The following MED15 variants were observed in gnomAD, a reference collection of about 807,000 sequenced individuals.
The protein encoded by MED15 is mediator complex subunit 15, also known as mediator of RNA polymerase II transcription subunit 15.
A neutral mutation model predicts 118.7 loss-of-function variants in MED15; 41 were observed. The ratio of observed to expected loss-of-function variants is 0.35; its 90% CI spans 0.27 to 0.45. MED15 has a LOEUF of 0.45. Ranked by LOEUF, MED15 falls within the 20% of genes least tolerant of loss-of-function variation. The probability of loss-of-function intolerance (pLI) is 1.00; values close to 1 mark genes in which losing one functional copy is unlikely to be tolerated. For synonymous variants in MED15, 436 were observed against 413.9 expected, an observed-to-expected ratio of 1.05 and a Z score of -0.65; for missense variants, 740 against 1,025.5, an observed-to-expected ratio of 0.72 and a Z score of 3.80.
chr22:20,583,845 AG>A (rs2057059729), intron 13 of MED15: 1 of 236,228 alleles, frequency 4.2e-6, no homozygotes, highest in African/African-American at 2.2e-5. Flanking sequence ...AGCAGGTGGA[AG>A]GCAGGGCTGC....
rs2057115242 is a variant in MED15 at position 20,585,708 on chromosome 22, T to C, written c.2132-20T>C. 1 of 1,607,426 alleles carries C rather than the reference T, an allele frequency of 6.2e-7. No individual in the cohort carries two copies. Among genetic ancestry groups the C allele is most frequent in the Admixed American group, 1.7e-5 (1 of 60,006 alleles). Reference sequence around the variant, plus strand: ...GGCCGGGGCTTGTCCAGGTCACAGATAGAGCCTTCTGTGTTGCAGATGACA... The same window carrying C: ...GGCCGGGGCTTGTCCAGGTCACAGACAGAGCCTTCTGTGTTGCAGATGACA... On this transcript the variant is annotated intron_variant, in intron 16 of 17. Coordinates refer to ENST00000263205, the MANE Select transcript of MED15 (RefSeq NM_001003891.3).
intron 2 of MED15, among the ~76,000 whole-genome samples, chr22:20,548,616 T>C (rs1162185417): frequency 6.6e-6 from 1 of 152,212 alleles, no homozygotes; most frequent in Non-Finnish European, 1.5e-5. Flanking sequence ...CTTTCCAGTG[T>C]TTCTCATGGC....
intron 2 of MED15, among the ~76,000 whole-genome samples, chr22:20,541,636 A>G (rs2055317124): frequency 6.9e-6 from 1 of 145,360 alleles, no homozygotes; most frequent in Non-Finnish European, 1.5e-5. Context: ...GGCACACACC[A>G]TCACACCCAG....
chr22:20,543,785 T>G (rs1294738372), intron 2 of MED15, among the ~76,000 whole-genome samples: 1 of 152,072 alleles, frequency 6.6e-6, no homozygotes, highest in Non-Finnish European at 1.5e-5. Flanking sequence ...CTTGAACTCC[T>G]GACCTCAGGT....
chr22:20,530,803 CAG>C (rs938444396), intron 1 of MED15, among the ~76,000 whole-genome samples: 12 of 152,258 alleles, frequency 7.9e-5, no homozygotes, highest in African/African-American at 2.4e-4. Context: ...GCAGGTGACT[CAG>C]AGCTCCAATG....
At chr22:20,527,365 A>G (rs1359875888) in intron 1 of MED15, among the ~76,000 whole-genome samples, 9 of 151,606 alleles carry the variant, frequency 5.9e-5, no homozygotes, top group African/African-American at 2.2e-4. Context: ...CTTTTTTGTA[A>G]TCTGACTTTT....
intron 17 of MED15, among the ~76,000 whole-genome samples, 163 bp from the exon 18 acceptor site, chr22:20,586,405 G>A (rs1321279906): frequency 6.6e-6 from 1 of 152,228 alleles, no homozygotes; most frequent in Non-Finnish European, 1.5e-5. Flanking sequence ...CTGACGATGA[G>A]GCTCTGGGAG....
chr22:20,518,699 A>G (rs1466974378), intron 1 of MED15, among the ~76,000 whole-genome samples: 2 of 152,210 alleles, frequency 1.3e-5, no homozygotes, highest in Non-Finnish European at 2.9e-5. Flanking sequence ...GAAGTACATA[A>G]TAATTATATG....
intron 1 of MED15, among the ~76,000 whole-genome samples, chr22:20,512,741 G>A (rs2054116384): frequency 6.6e-6 from 1 of 150,656 alleles, no homozygotes; most frequent in African/African-American, 2.4e-5. Flanking sequence ...ACAGGCGCCC[G>A]CCACCACGCC....
At chr22:20,521,427 C>T (rs148027533) in intron 1 of MED15, among the ~76,000 whole-genome samples, 4,460 of 149,482 alleles carry the variant, frequency 0.03, 227 homozygotes, top group African/African-American at 0.1. Flanking sequence ...GACTGAGTCT[C>T]ACTCTGTCGC....
In MED15 at chr22:20,571,447, G is replaced by T. The variant is rs941445786; in HGVS notation, c.1152+2816G>T. Among the ~76,000 whole-genome samples the T allele has an allele frequency of 5.9e-5, 9 of 152,254 alleles. 1 individual carries two copies. The South Asian group carries it at 1.4e-3, about 24-fold the overall frequency. On this transcript the variant is annotated intron_variant, in intron 8 of 17. Transcript: ENST00000263205. ...TGGCACCATGTGCTGCCATGCAGGGGATTCCCAAGTGCTAGTGGCAGAGGA... is the reference window on the plus strand; with the variant it reads ...TGGCACCATGTGCTGCCATGCAGGGTATTCCCAAGTGCTAGTGGCAGAGGA...
intron 11 of MED15, 68 bp downstream of exon 11, chr22:20,583,035 C>G: frequency 6.4e-7 from 1 of 1,571,602 alleles, no homozygotes; most frequent in Non-Finnish European, 8.7e-7. Flanking sequence ...ACTGGGTGTG[C>G]GAGCTCTGGG....
chr22:20,586,293 A>G (rs2057133102), intron 17 of MED15, among the ~76,000 whole-genome samples: 1 of 147,456 alleles, frequency 6.8e-6, no homozygotes, highest in African/African-American at 2.5e-5. Flanking sequence ...GCTGGCACAC[A>G]GCAGAGCTGG....
At chr22:20,511,807 G>T (rs1829246237) in intron 1 of MED15, among the ~76,000 whole-genome samples, 1 of 151,996 alleles carries the variant, frequency 6.6e-6, no homozygotes, top group African/African-American at 2.4e-5. Flanking sequence ...AAGTGAGGGT[G>T]AGGCCTAAAG....
intron 1 of MED15, among the ~76,000 whole-genome samples, chr22:20,508,770 A>T (rs1003844439): frequency 5.9e-5 from 9 of 152,204 alleles, no homozygotes; most frequent in Non-Finnish European, 1.3e-4. Context: ...ACTTCAGGCC[A>T]TCTGGATGTA....
At chr22:20,562,507 C>T (rs1482174722) in intron 5 of MED15, among the ~76,000 whole-genome samples, 2 of 152,058 alleles carry the variant, frequency 1.3e-5, no homozygotes, top group Non-Finnish European at 2.9e-5. Context: ...GCCTCAGCCT[C>T]CTGAGTAGCT....
intron 17 of MED15, among the ~76,000 whole-genome samples, chr22:20,586,164 A>G (rs1404666928): frequency 1.3e-5 from 2 of 152,184 alleles, no homozygotes; most frequent in East Asian, 3.9e-4. Context: ...AGCTTCCCAG[A>G]GGCCACTACC....
intron 1 of MED15, among the ~76,000 whole-genome samples, chr22:20,526,720 C>G (rs1429823115): frequency 6.6e-6 from 1 of 152,200 alleles, no homozygotes; most frequent in African/African-American, 2.4e-5. Flanking sequence ...CTCAAGTGAT[C>G]CATCCACCTC....
intron 2 of MED15, among the ~76,000 whole-genome samples, chr22:20,546,492 G>A (rs1055265676): frequency 1.4e-5 from 2 of 140,640 alleles, no homozygotes; most frequent in African/African-American, 2.7e-5. Flanking sequence ...TCCCACATTC[G>A]TTACATGGAG....
Sources: allele counts gnomAD v4.1 joint callset (sites outside exome capture counted in the v4.1 genomes callset), GRCh38; gene constraint gnomAD v4.1.1; transcripts MANE v1.5; gene names NCBI Gene and HGNC (gene_info 2026-07-23, HGNC 2026-07-21).